CFAP47: variants seen among roughly 807,000 people sequenced by gnomAD.
The protein encoded by CFAP47 is cilia- and flagella-associated protein 47.
Under a neutral mutation model 148.1 loss-of-function variants are expected in CFAP47, and 29 were observed. That is an observed-to-expected ratio of 0.20 (90% CI 0.15 to 0.27). The LOEUF (loss-of-function observed/expected upper bound fraction) is 0.27. Among genes scored for constraint, CFAP47 ranks in the 10% least tolerant of loss-of-function variants. CFAP47 has a pLI of 1.00. For synonymous variants in CFAP47, 664 were observed against 577.3 expected (o/e 1.15, Z -2.15); for missense variants, 1,872 against 1,697.5 (o/e 1.10, Z -1.81).
At chrX:36,138,768 C>A (rs1470765636) in intron 35 of CFAP47, among the ~76,000 whole-genome samples, 3 of 110,026 alleles carry the variant, frequency 2.7e-5, no homozygotes, top group Non-Finnish European at 5.7e-5. Context: ...TAAGAATGAA[C>A]TAAAAGAGCA....
intron 37 of CFAP47, among the ~76,000 whole-genome samples, chrX:36,158,337 G>T (rs1362701129): frequency 1.8e-5 from 2 of 112,416 alleles, no homozygotes; most frequent in Non-Finnish European, 3.8e-5. Context: ...ACCTACAGCG[G>T]TATCAAGGCA....
intron 33 of CFAP47, among the ~76,000 whole-genome samples, chrX:36,117,648 CT>C (rs968837769): frequency 2.7e-5 from 3 of 111,665 alleles, no homozygotes; most frequent in Non-Finnish European, 5.6e-5. Flanking sequence ...TTATTAATCC[CT>C]TAACAGATGG....
At chrX:36,243,589 G>A (rs1461862104) in intron 48 of CFAP47, among the ~76,000 whole-genome samples, 1 of 97,141 alleles carries the variant, frequency 1.0e-5, no homozygotes, top group Admixed American at 1.2e-4. Flanking sequence ...ACAAAAAAAG[G>A]CATTACATTA....
At chrX:35,955,005 G>A (rs768117186) in intron 7 of CFAP47, among the ~76,000 whole-genome samples, 15 of 111,974 alleles carry the variant, frequency 1.3e-4, no homozygotes, top group Non-Finnish European at 2.8e-4. Context: ...TCTTTAAGCT[G>A]TTTGGCATTC....
chrX:36,154,388 T>G lies in CFAP47; in HGVS notation c.5787-5038T>G, dbSNP rs781572478. Among the ~76,000 whole-genome samples the G allele has an allele frequency of 6.2e-5, 7 of 112,287 alleles. No homozygotes were observed. The South Asian group carries it at 1.8e-3, about 30-fold the overall frequency. Reference sequence around the variant, plus strand: ...CACTTTTTAACACGGGTTTTCTTCCTCTGTTGTCTAGTAACTTGCTCCTTA... The same window carrying G: ...CACTTTTTAACACGGGTTTTCTTCCGCTGTTGTCTAGTAACTTGCTCCTTA... On this transcript the variant is annotated intron_variant, in intron 37 of 63. Transcript: ENST00000378653.
intron 21 of CFAP47, among the ~76,000 whole-genome samples, chrX:36,002,536 C>T (rs1478172377): frequency 3.6e-5 from 4 of 110,672 alleles, no homozygotes; most frequent in Non-Finnish European, 7.6e-5. Context: ...GAGCCAAGAT[C>T]GCGCCATTGC....
chrX:36,007,257 A>G (rs6527530), intron 21 of CFAP47, among the ~76,000 whole-genome samples: 28,060 of 111,174 alleles, frequency 0.25, 4,834 homozygotes, highest in African/African-American at 0.61. Context: ...TTTCATAACG[A>G]TTATTCTAGA....
Position 35,971,703 on chromosome X carries a change from A to T in CFAP47, c.2088A>T (p.Ser696=), listed in dbSNP as rs1439115954. Residue 696 remains serine, a synonymous_variant, in exon 12 of 64, where the codon TCA becomes TCT. Transcript: ENST00000378653. ...IEEELSSAAN[S]IRANRLLTTR... is the part of the protein sequence containing the mutation. ...AGGAGCTGTCTTCAGCAGCAAATTC[A>T]ATTAGAGCGAATCGATTGTTAACCA... 2 of 1,210,930 alleles carry T rather than the reference A, an allele frequency of 1.7e-6. No homozygotes were observed. Among genetic ancestry groups the T allele is most frequent in the East Asian group, 5.9e-5 (2 of 33,794 alleles).
intron 60 of CFAP47, among the ~76,000 whole-genome samples, chrX:36,359,428 A>G (rs2146989623): frequency 8.9e-6 from 1 of 112,175 alleles, no homozygotes; most frequent in Non-Finnish European, 1.9e-5. Flanking sequence ...AATACACTTT[A>G]TATTATGGAT....
intron 27 of CFAP47, among the ~76,000 whole-genome samples, chrX:36,068,801 C>T (rs1459856329): frequency 1.9e-5 from 2 of 108,029 alleles, no homozygotes; most frequent in Non-Finnish European, 3.8e-5. Flanking sequence ...ACTAAAAATA[C>T]AAAAATTAGC....
chrX:36,335,419 G>A (rs782316958), intron 57 of CFAP47, among the ~76,000 whole-genome samples: 160 of 111,013 alleles, frequency 1.4e-3, no homozygotes, highest in African/African-American at 4.8e-3. Flanking sequence ...AATACCCCCC[G>A]CCTCAAAAAT....
intron 1 of CFAP47, among the ~76,000 whole-genome samples, chrX:35,920,430 C>G (rs1219335737): frequency 1.8e-5 from 2 of 111,647 alleles, no homozygotes; most frequent in African/African-American, 6.5e-5. Flanking sequence ...TGCCTGATAA[C>G]TCCAGGAACT....
chrX:36,093,496 A>T (rs2146785237), intron 30 of CFAP47, among the ~76,000 whole-genome samples: 1 of 111,397 alleles, frequency 9.0e-6, no homozygotes, highest in Non-Finnish European at 1.9e-5. Flanking sequence ...ATTTGCATTT[A>T]TCTGTTGATC....
At position 36,082,878 on chromosome X, in the gene CFAP47, A is replaced by G. The variant is rs12857464; in HGVS notation, c.4692-2436A>G. On this transcript the variant is annotated intron_variant, in intron 29 of 63. Transcript: ENST00000378653. The stretch of plus-strand genomic sequence containing the variant: ...TTTTCTCATCTGTAAAAAAGGAGAT[A>G]ATGATAATACCTAACCAATACAGTT... Among the ~76,000 whole-genome samples the G allele has an allele frequency of 8.8e-3, 980 of 111,705 alleles. 7 individuals carry two copies. The highest frequency in any genetic ancestry group is 0.011 in the Non-Finnish European group (603 of 53,057).
chrX:35,936,666 C>G (rs1323705390), intron 2 of CFAP47, among the ~76,000 whole-genome samples: 1 of 110,670 alleles, frequency 9.0e-6, no homozygotes, highest in Non-Finnish European at 1.9e-5. Flanking sequence ...AGGCACACAC[C>G]CCATTTATGT....
intron 44 of CFAP47, among the ~76,000 whole-genome samples, chrX:36,204,564 A>T (rs1169735695): frequency 1.8e-5 from 2 of 111,439 alleles, no homozygotes; most frequent in Non-Finnish European, 3.8e-5. Context: ...TGTATCCTAA[A>T]ACTTAAAGTA....
chrX:35,937,911 G>C (rs543853121), intron 2 of CFAP47, among the ~76,000 whole-genome samples: 3 of 111,592 alleles, frequency 2.7e-5, no homozygotes, highest in Non-Finnish European at 5.7e-5. Flanking sequence ...CTACATTTTC[G>C]TACATCAACC....
chrX:36,089,530 A>T (rs1253192464), intron 30 of CFAP47, among the ~76,000 whole-genome samples: 1 of 111,848 alleles, frequency 8.9e-6, no homozygotes, highest in Non-Finnish European at 1.9e-5. Flanking sequence ...GGGTGCACTG[A>T]ACTGGGTTGA....
chrX:36,097,049 C>G (rs1213395042), intron 30 of CFAP47, among the ~76,000 whole-genome samples: 1 of 110,538 alleles, frequency 9.0e-6, no homozygotes, highest in Non-Finnish European at 1.9e-5. Flanking sequence ...ATCTTATAAC[C>G]CATTATTTTA....
Sources: allele counts gnomAD v4.1 joint callset (sites outside exome capture counted in the v4.1 genomes callset), GRCh38; gene constraint gnomAD v4.1.1; transcripts MANE v1.5; gene names NCBI Gene and HGNC (gene_info 2026-07-23, HGNC 2026-07-21).